TAFA1: variants seen among roughly 807,000 people sequenced by gnomAD.
TAFA1 encodes chemokine-like protein TAFA-1.
TAFA1 carries 4 observed loss-of-function variants against 18.5 expected under a neutral mutation model. The observed-to-expected ratio is 0.22, with a 90% CI of 0.11 to 0.49. The LOEUF is 0.49. Ranked by LOEUF, TAFA1 falls within the 20% of genes least tolerant of loss-of-function variation. The probability of loss-of-function intolerance (pLI) is 0.98; values close to 1 mark genes in which losing one functional copy is unlikely to be tolerated. For missense variants in TAFA1, 147 were observed against 169.0 expected (o/e 0.87, Z 0.72); for synonymous variants, 56 against 55.2 (o/e 1.01, Z -0.06).
intron 2 of TAFA1, among the ~76,000 whole-genome samples, chr3:68,254,105 C>CTATGTATGTATG (rs60606466): frequency 0.066 from 9,527 of 144,688 alleles, 403 homozygotes; most frequent in Admixed American, 0.1. Flanking sequence ...ATCTACCTGT[C>CTATGTATGTATG]TATGTATGTA....
At chr3:68,372,116 T>C (rs1217749396) in intron 2 of TAFA1, among the ~76,000 whole-genome samples, 1 of 152,214 alleles carries the variant, frequency 6.6e-6, no homozygotes, top group African/African-American at 2.4e-5. Context: ...CCCACTTTTA[T>C]CCAAACTTTT....
At chr3:68,258,961 G>A (rs1237097388) in intron 2 of TAFA1, among the ~76,000 whole-genome samples, 1 of 152,170 alleles carries the variant, frequency 6.6e-6, no homozygotes, top group Non-Finnish European at 1.5e-5. Flanking sequence ...GAGTGCCCAC[G>A]CAGTAACTTA....
chr3:68,540,037 A>G (rs1229329350), intron 4 of TAFA1, among the ~76,000 whole-genome samples: 1 of 152,092 alleles, frequency 6.6e-6, no homozygotes, highest in Admixed American at 6.5e-5. Flanking sequence ...CCCACCCCTT[A>G]TTATTAATCT....
At chr3:68,204,720 G>A (rs932027078) in intron 2 of TAFA1, among the ~76,000 whole-genome samples, 5 of 151,804 alleles carry the variant, frequency 3.3e-5, no homozygotes, top group African/African-American at 1.2e-4. Context: ...CCCATATAGA[G>A]CTCTAACTTA....
intron 2 of TAFA1, among the ~76,000 whole-genome samples, chr3:68,068,127 T>G: frequency 6.6e-6 from 1 of 152,222 alleles, no homozygotes; most frequent in Admixed American, 6.5e-5. Context: ...TGACTAGAGA[T>G]TAGGAATTAA....
intron 2 of TAFA1, among the ~76,000 whole-genome samples, chr3:68,321,213 G>A (rs1199020061): frequency 6.6e-6 from 1 of 152,120 alleles, no homozygotes; most frequent in African/African-American, 2.4e-5. Flanking sequence ...AGCAATGAGA[G>A]CATTGCCTGG....
Position 68,390,802 on chromosome 3 carries a change from C to G in TAFA1, c.119-26478C>G, listed in dbSNP as rs117207944. Among the ~76,000 whole-genome samples the G allele has an allele frequency of 1.1e-4, 17 of 152,274 alleles. No individual in the cohort carries two copies. In the East Asian group the frequency reaches 3.3e-3, roughly 29 times the overall value. On this transcript the variant is annotated intron_variant, in intron 2 of 4. Coordinates refer to ENST00000478136, the MANE Select transcript of TAFA1 (RefSeq NM_213609.4). ...AGAAGAAAAACTAGCAAACAGAAAGCAATACCATCAACATCGCAAAAAGGA... is the reference window on the plus strand; with the variant it reads ...AGAAGAAAAACTAGCAAACAGAAAGGAATACCATCAACATCGCAAAAAGGA...
At chr3:68,279,342 G>T (rs752381606) in intron 2 of TAFA1, among the ~76,000 whole-genome samples, 2 of 151,278 alleles carry the variant, frequency 1.3e-5, no homozygotes, top group Non-Finnish European at 2.9e-5. Context: ...GGTAAGTGTG[G>T]TAGCCACTAC....
chr3:68,119,572 G>A (rs200813220), intron 2 of TAFA1, among the ~76,000 whole-genome samples: 10 of 126,700 alleles, frequency 7.9e-5, no homozygotes, highest in Admixed American at 2.4e-4. Flanking sequence ...GTCCAACTTC[G>A]TTTTTTTTTT....
intron 2 of TAFA1, among the ~76,000 whole-genome samples, chr3:68,015,176 G>A (rs1184826220): frequency 6.6e-6 from 1 of 152,092 alleles, no homozygotes; most frequent in East Asian, 1.9e-4. Flanking sequence ...AAGCTAAATG[G>A]TATTACTGGG....
At chr3:68,508,865 G>GT (rs1277485312) in intron 3 of TAFA1, among the ~76,000 whole-genome samples, 5 of 151,988 alleles carry the variant, frequency 3.3e-5, no homozygotes, top group Admixed American at 6.6e-5. Context: ...GTGATCACTA[G>GT]AAGAAGATGA....
intron 2 of TAFA1, among the ~76,000 whole-genome samples, chr3:68,304,676 A>G (rs2068372774): frequency 6.6e-6 from 1 of 152,220 alleles, no homozygotes; most frequent in South Asian, 2.1e-4. Context: ...ATACTTAATT[A>G]CTTAGAGAAG....
At chr3:68,208,315 T>G (rs2066551780) in intron 2 of TAFA1, among the ~76,000 whole-genome samples, 1 of 151,860 alleles carries the variant, frequency 6.6e-6, no homozygotes, top group Non-Finnish European at 1.5e-5. Context: ...TTTAGCCAGG[T>G]TCCTATTTCT....
chr3:68,412,168 A>C (rs1217981024), intron 2 of TAFA1, among the ~76,000 whole-genome samples: 1 of 152,164 alleles, frequency 6.6e-6, no homozygotes, highest in Non-Finnish European at 1.5e-5. Flanking sequence ...GTCTTTGATG[A>C]AAATGGAGCA....
At chr3:68,072,114 T>A (rs1476506984) in intron 2 of TAFA1, among the ~76,000 whole-genome samples, 2 of 152,248 alleles carry the variant, frequency 1.3e-5, no homozygotes, top group East Asian at 3.8e-4. Flanking sequence ...AGGAACATTG[T>A]TAAGAGTGGT....
chr3:68,052,356 G>T (rs1184730034), intron 2 of TAFA1, among the ~76,000 whole-genome samples: 2 of 151,954 alleles, frequency 1.3e-5, no homozygotes, highest in African/African-American at 4.8e-5. Context: ...TTTTGTTTTG[G>T]TACTCAAATT....
chr3:68,406,409 A>T (rs992706921), intron 2 of TAFA1, among the ~76,000 whole-genome samples: 5 of 152,166 alleles, frequency 3.3e-5, no homozygotes, highest in Admixed American at 3.3e-4. Flanking sequence ...CCTAGAATGA[A>T]CGTAAACATA....
At chr3:68,521,641 C>G (rs1014768335) in intron 3 of TAFA1, among the ~76,000 whole-genome samples, 3 of 152,036 alleles carry the variant, frequency 2.0e-5, no homozygotes, top group Non-Finnish European at 2.9e-5. Context: ...ACCTTAGAGA[C>G]AGTTATTTGG....
At chr3:68,258,304 T>C (rs1227442621) in intron 2 of TAFA1, among the ~76,000 whole-genome samples, 2 of 152,184 alleles carry the variant, frequency 1.3e-5, no homozygotes, top group Non-Finnish European at 2.9e-5. Context: ...ATGGCTACAT[T>C]GGTTTGGAAA....
Sources: allele counts gnomAD v4.1 joint callset (sites outside exome capture counted in the v4.1 genomes callset), GRCh38; gene constraint gnomAD v4.1.1; transcripts MANE v1.5; gene names NCBI Gene and HGNC (gene_info 2026-07-23, HGNC 2026-07-21).